The following DGKB variants were observed in gnomAD, a reference collection of about 807,000 sequenced individuals.
DGKB encodes the protein diacylglycerol kinase beta.
DGKB carries 67 observed loss-of-function variants against 114.3 expected under a neutral mutation model. That is an observed-to-expected ratio of 0.59 (90% CI 0.48 to 0.72). DGKB has a LOEUF of 0.72. Ranked by LOEUF, DGKB falls within the 30% of genes least tolerant of loss-of-function variation. The probability of loss-of-function intolerance (pLI) is 0.00; values close to 1 mark genes in which losing one functional copy is unlikely to be tolerated. For missense variants in DGKB, 907 were observed against 975.2 expected (o/e 0.93, Z 0.93); for synonymous variants, 398 against 323.1 (o/e 1.23, Z -2.49).
At chr7:14,945,649 C>T (rs933694704) in intron 1 of DGKB, among the ~76,000 whole-genome samples, 1 of 151,708 alleles carries the variant, frequency 6.6e-6, no homozygotes, top group African/African-American at 2.4e-5. Context: ...TATCAGAACA[C>T]ATGCCACTAA....
intron 22 of DGKB, among the ~76,000 whole-genome samples, 162 bp downstream of exon 22, chr7:14,345,139 C>T (rs373239242): frequency 1.3e-5 from 2 of 151,468 alleles, no homozygotes; most frequent in East Asian, 3.9e-4. Context: ...TCAGATAGTG[C>T]TGTATTCCAA....
intron 20 of DGKB, among the ~76,000 whole-genome samples, chr7:14,567,148 T>TTATATA (rs1477051452): frequency 3.0e-5 from 3 of 100,392 alleles, no homozygotes; most frequent in Non-Finnish European, 1.9e-5. Context: ...TTTATATATA[T>TTATATA]AATATACAAT....
At chr7:14,656,126 T>G (rs746897727) in intron 13 of DGKB, among the ~76,000 whole-genome samples, 3 of 151,634 alleles carry the variant, frequency 2.0e-5, no homozygotes, top group Non-Finnish European at 3.0e-5. Context: ...GGCATCAAAA[T>G]ATCATTCTGC....
intron 23 of DGKB, among the ~76,000 whole-genome samples, chr7:14,267,778 C>T (rs1032714187): frequency 7.2e-5 from 11 of 152,088 alleles, no homozygotes; most frequent in African/African-American, 1.7e-4. Context: ...CGTGAGCCAC[C>T]GTTCCCGGCC....
In DGKB at chr7:14,422,042, T is replaced by C. The variant is rs187224298; in HGVS notation, c.1835+56119A>G. Among the ~76,000 whole-genome samples the C allele has an allele frequency of 2.0e-3, 309 of 152,156 alleles. 3 individuals carry two copies. Among genetic ancestry groups the C allele is most frequent in the Middle Eastern group, 6.8e-3 (2 of 294 alleles). ...AATAAGCATATTTATAGAAGGTATA[T>C]ATAAAAATATTGATATGTTTACCTA... On this transcript the variant is annotated intron_variant, in intron 21 of 25. Transcript: ENST00000402815.
intron 1 of DGKB, among the ~76,000 whole-genome samples, chr7:14,964,036 A>G (rs757467250): frequency 1.3e-5 from 2 of 152,106 alleles, no homozygotes; most frequent in Non-Finnish European, 2.9e-5. Flanking sequence ...TTTATAAGAA[A>G]AAGTGTGGAA....
At chr7:14,232,502 G>A (rs1348697653) in intron 23 of DGKB, among the ~76,000 whole-genome samples, 1 of 151,442 alleles carries the variant, frequency 6.6e-6, no homozygotes, top group East Asian at 2.0e-4. Context: ...ATTTGCTTTA[G>A]GGAAGAATCT....
intron 21 of DGKB, among the ~76,000 whole-genome samples, chr7:14,356,384 C>T (rs1377778467): frequency 4.7e-4 from 43 of 92,346 alleles, no homozygotes; most frequent in South Asian, 8.2e-4. Context: ...TTTTTTGAGA[C>T]GGAGTCTCGC....
At chr7:14,776,459 G>C (rs898722936) in intron 2 of DGKB, among the ~76,000 whole-genome samples, 1 of 152,136 alleles carries the variant, frequency 6.6e-6, no homozygotes, top group African/African-American at 2.4e-5. Context: ...TCCTGGACTG[G>C]GCCCAGGGCC....
At chr7:14,755,525 C>T (rs1226405462) in intron 3 of DGKB, among the ~76,000 whole-genome samples, 1 of 152,050 alleles carries the variant, frequency 6.6e-6, no homozygotes, top group Non-Finnish European at 1.5e-5. Flanking sequence ...TATAATTCAG[C>T]ATCATTAACT....
chr7:14,219,026 G>A (rs1789488156), intron 23 of DGKB, among the ~76,000 whole-genome samples: 1 of 151,876 alleles, frequency 6.6e-6, no homozygotes, highest in Non-Finnish European at 1.5e-5. Flanking sequence ...CATAGAATAT[G>A]TAGTATTTTG....
At chr7:14,163,426 C>T (rs1318783694) in intron 25 of DGKB, among the ~76,000 whole-genome samples, 1 of 152,140 alleles carries the variant, frequency 6.6e-6, no homozygotes. Flanking sequence ...CAGGGGAACA[C>T]ACAAAATAAT....
At chr7:14,247,418 A>C (rs1367018668) in intron 23 of DGKB, among the ~76,000 whole-genome samples, 2 of 152,080 alleles carry the variant, frequency 1.3e-5, no homozygotes, top group Non-Finnish European at 2.9e-5. Context: ...TTTTGTGAGA[A>C]ACTTCCATAC....
At chr7:14,815,424 A>G (rs1843988652) in intron 2 of DGKB, among the ~76,000 whole-genome samples, 1 of 152,180 alleles carries the variant, frequency 6.6e-6, no homozygotes, top group Non-Finnish European at 1.5e-5. Context: ...TCTTTTGGCA[A>G]ATCCATTTAA....
intron 6 of DGKB, among the ~76,000 whole-genome samples, chr7:14,703,835 A>C (rs1825653420): frequency 6.6e-6 from 1 of 152,222 alleles, no homozygotes; most frequent in South Asian, 2.1e-4. Context: ...ATGCTTTATT[A>C]AAAACAACCA....
At chr7:14,575,953 T>A (rs540506257) in intron 19 of DGKB, among the ~76,000 whole-genome samples, 3 of 152,136 alleles carry the variant, frequency 2.0e-5, no homozygotes, top group Non-Finnish European at 4.4e-5. Context: ...CAATTAACTA[T>A]TAGAAGGTGA....
At chr7:14,911,742 C>T (rs1784017593) in intron 1 of DGKB, among the ~76,000 whole-genome samples, 1 of 152,058 alleles carries the variant, frequency 6.6e-6, no homozygotes, top group African/African-American at 2.4e-5. Flanking sequence ...TACTATGATC[C>T]AAAACTGCAA....
chr7:14,783,379 C>G (rs1839407176), intron 2 of DGKB, among the ~76,000 whole-genome samples: 1 of 152,184 alleles, frequency 6.6e-6, no homozygotes, highest in Non-Finnish European at 1.5e-5. Context: ...TCCTGAATTA[C>G]TGATCACAAG....
intron 1 of DGKB, among the ~76,000 whole-genome samples, chr7:14,936,887 C>T (rs1274380267): frequency 2.6e-5 from 4 of 152,110 alleles, no homozygotes; most frequent in South Asian, 2.1e-4. Context: ...TTGGAGGGGA[C>T]TAGGCTTTCA....
Sources: allele counts gnomAD v4.1 joint callset (sites outside exome capture counted in the v4.1 genomes callset), GRCh38; gene constraint gnomAD v4.1.1; transcripts MANE v1.5; gene names NCBI Gene and HGNC (gene_info 2026-07-23, HGNC 2026-07-21).